Variants in PIK3AP1 observed in about 807,000 individuals in gnomAD.
PIK3AP1 encodes phosphoinositide-3-kinase adaptor protein 1, also known as phosphoinositide 3-kinase adapter protein 1.
In PIK3AP1, 21 loss-of-function variants were observed where a neutral mutation model predicts 88.1. The ratio of observed to expected loss-of-function variants is 0.24; its 90% CI spans 0.17 to 0.34. PIK3AP1 has a LOEUF of 0.34. PIK3AP1 is among the 10% of genes least tolerant of loss of function. The pLI is 1.00. For synonymous variants in PIK3AP1, 398 were observed against 400.0 expected (o/e 1.00, Z 0.06); for missense variants, 828 against 1,035.7 (o/e 0.80, Z 2.75).
intron 16 of PIK3AP1, among the ~76,000 whole-genome samples, chr10:96,598,011 A>C (rs148415978): frequency 4.7e-5 from 7 of 147,656 alleles, no homozygotes; most frequent in Admixed American, 1.4e-4. Context: ...TTGCAGACCT[A>C]TAATTATAGT....
At chr10:96,628,873 C>CATAT (rs1564961127) in intron 8 of PIK3AP1, among the ~76,000 whole-genome samples, 5 of 22,522 alleles carry the variant, frequency 2.2e-4, no homozygotes, top group African/African-American at 3.5e-4. Context: ...CACATATATA[C>CATAT]ACATATATAT....
chr10:96,632,827 A>G (rs954954746), intron 8 of PIK3AP1: 1 of 1,578,708 alleles, frequency 6.3e-7, no homozygotes, highest in Admixed American at 1.8e-5. Context: ...TGTATTGACT[A>G]CACATCCACC....
rs1161348022 is a variant in PIK3AP1, at chr10:96,626,923, G to A, written c.1472-18C>T. On this transcript the variant is annotated intron_variant, in intron 9 of 16. Coordinates refer to ENST00000339364, the MANE Select transcript of PIK3AP1 (RefSeq NM_152309.3). ...GCTGTTGCCTAGAAACGCAGAGAAA[G>A]GTGACTGAAAGCAGTGGCCAAACAA... 6.8e-6 allele frequency: 11 copies of A among 1,606,162 alleles called. No homozygotes were observed. The highest frequency in any genetic ancestry group is 9.4e-6 in the Non-Finnish European group (11 of 1,172,828).
At chr10:96,599,572 G>A (rs779647518) in intron 16 of PIK3AP1, among the ~76,000 whole-genome samples, 10 of 152,102 alleles carry the variant, frequency 6.6e-5, no homozygotes, top group Admixed American at 3.3e-4. Flanking sequence ...TAGAACACGG[G>A]CAGAGAAGAG....
intron 3 of PIK3AP1, 139 bp from the exon 4 acceptor site, chr10:96,652,981 T>C: frequency 1.1e-6 from 1 of 918,658 alleles, no homozygotes; most frequent in Non-Finnish European, 1.6e-6. Context: ...AGTGGTCCAG[T>C]GCTGGGCAGT....
intron 11 of PIK3AP1, among the ~76,000 whole-genome samples, chr10:96,622,224 G>A (rs1465318071): frequency 6.6e-6 from 1 of 152,184 alleles, no homozygotes; most frequent in African/African-American, 2.4e-5. Flanking sequence ...TTGTTCCTGT[G>A]CCAACCTCTC....
At chr10:96,620,641 C>T (rs1430737203) in intron 11 of PIK3AP1, 84 bp from the exon 12 acceptor site, 7 of 1,224,608 alleles carry the variant, frequency 5.7e-6, no homozygotes, top group Non-Finnish European at 8.2e-6. Context: ...AGGCTGGTCA[C>T]AGGCTCAAGA....
chr10:96,667,945 T>C lies in PIK3AP1; in HGVS notation c.431-11011A>G, dbSNP rs142816800. On this transcript the variant is annotated intron_variant, in intron 2 of 16. Coordinates refer to ENST00000339364, the MANE Select transcript of PIK3AP1 (RefSeq NM_152309.3). ...AGAATTTAATACCAATGTGTACTTT[T>C]TATTATCTATATTTTTATATCTAAC... 6.2e-3 allele frequency among the ~76,000 whole-genome samples: 944 copies of C among 152,362 alleles called. 5 individuals carry two copies. The highest frequency in any genetic ancestry group is 0.015 in the African/African-American group (613 of 41,596).
At chr10:96,611,326 C>T (rs888579604) in intron 13 of PIK3AP1, among the ~76,000 whole-genome samples, 1 of 152,112 alleles carries the variant, frequency 6.6e-6, no homozygotes, top group Non-Finnish European at 1.5e-5. Context: ...ACAACCATGC[C>T]ATGGAAGCAC....
At position 96,616,631 on chromosome 10, in the gene PIK3AP1, C is replaced by A. The variant is rs755817509; in HGVS notation, c.2014+8G>T. The A allele has an allele frequency of 3.1e-6, 5 of 1,613,528 alleles. No individual in the cohort carries two copies. The highest frequency in any genetic ancestry group is 4.2e-6 in the Non-Finnish European group (5 of 1,179,528). Reference sequence around the variant, plus strand: ...CCACACAATGCAGCACCCTAGGAAGCCACATACCTGTCTGCTTTCCTGATT... The same window carrying A: ...CCACACAATGCAGCACCCTAGGAAGACACATACCTGTCTGCTTTCCTGATT... On this transcript the variant is annotated splice_region_variant and intron_variant, in intron 13 of 16. Coordinates refer to ENST00000339364, the MANE Select transcript of PIK3AP1 (RefSeq NM_152309.3).
chr10:96,684,552 G>T (rs1267737973), intron 2 of PIK3AP1, among the ~76,000 whole-genome samples: 1 of 152,194 alleles, frequency 6.6e-6, no homozygotes, highest in Non-Finnish European at 1.5e-5. Context: ...CATGCTGCAG[G>T]GGGAGAGGCA....
intron 1 of PIK3AP1, 126 bp from the exon 2 acceptor site, chr10:96,710,109 C>G: frequency 2.4e-5 from 18 of 737,186 alleles, no homozygotes; most frequent in Non-Finnish European, 3.9e-5. Context: ...GGTGTGCCTC[C>G]AGCACACCAG....
intron 2 of PIK3AP1, among the ~76,000 whole-genome samples, chr10:96,678,798 G>T (rs1487657164): frequency 6.6e-6 from 1 of 152,092 alleles, no homozygotes; most frequent in Non-Finnish European, 1.5e-5. Flanking sequence ...TGTATGTAGT[G>T]TTTTGCCAAC....
intron 2 of PIK3AP1, among the ~76,000 whole-genome samples, chr10:96,691,572 C>A (rs973384053): frequency 6.6e-6 from 1 of 152,190 alleles, no homozygotes; most frequent in Admixed American, 6.5e-5. Context: ...AAATGTTATA[C>A]GTTGGACTGG....
At chr10:96,618,820 G>A (rs944162655) in intron 12 of PIK3AP1, 3 of 152,176 alleles carry the variant, frequency 2.0e-5, no homozygotes, top group African/African-American at 7.2e-5. Context: ...ACTTGGCAAG[G>A]AGCAAAAAAA....
chr10:96,617,239 C>CGT (rs957264853), intron 12 of PIK3AP1, among the ~76,000 whole-genome samples: 1 of 152,218 alleles, frequency 6.6e-6, no homozygotes, highest in Non-Finnish European at 1.5e-5. Context: ...GAGACCACGT[C>CGT]GTGTACCTTT....
At chr10:96,595,773 T>C in intron 16 of PIK3AP1, 139 bp from the exon 17 acceptor site, 3 of 797,106 alleles carry the variant, frequency 3.8e-6, no homozygotes, top group Admixed American at 2.3e-5. Context: ...TATGAATGTA[T>C]GAGTGACACG....
chr10:96,651,110 C>T (rs983026009), intron 6 of PIK3AP1, 138 bp downstream of exon 6: 1 of 1,136,436 alleles, frequency 8.8e-7, no homozygotes, highest in African/African-American at 1.5e-5. Context: ...AAGAATGAGT[C>T]CTTATCACAG....
intron 16 of PIK3AP1, among the ~76,000 whole-genome samples, chr10:96,599,101 G>A (rs1440061097): frequency 6.6e-6 from 1 of 152,172 alleles, no homozygotes; most frequent in Non-Finnish European, 1.5e-5. Context: ...TTAGGCACTA[G>A]CAGATGGAAA....
Sources: gnomAD v4.1 joint callset for allele counts (sites outside exome capture counted in the v4.1 genomes callset) on GRCh38, gnomAD v4.1.1 for gene constraint, MANE v1.5 for transcripts, NCBI Gene and HGNC (gene_info 2026-07-23, HGNC 2026-07-21) for gene names.